Variants in MICU3 observed in about 807,000 individuals in gnomAD.
MICU3 encodes the protein calcium uptake protein 3, mitochondrial.
In MICU3, 62 loss-of-function variants were observed where a neutral mutation model predicts 66.5. That is an observed-to-expected ratio of 0.93 (90% confidence interval 0.76 to 1.15). The LOEUF is 1.15. Among genes scored for constraint, MICU3 ranks in the 50% most tolerant of loss-of-function variants. The probability of loss-of-function intolerance (pLI) is 0.00; values close to 1 mark genes in which losing one functional copy is unlikely to be tolerated. For synonymous variants in MICU3, 308 were observed against 240.7 expected, an observed-to-expected ratio of 1.28 and a Z score of -2.59; for missense variants, 779 against 664.4, an observed-to-expected ratio of 1.17 and a Z score of -1.90.
At chr8:17,123,467 GA>G (rs1026692948), downstream of MICU3, among the ~76,000 whole-genome samples, 1 of 151,908 alleles carries the variant, frequency 6.6e-6, no homozygotes, top group African/African-American at 2.4e-5. Context: ...ACAGTTTTTG[GA>G]AAAATAAATG....
chr8:17,075,151 A>G (rs902566755), intron 3 of MICU3, among the ~76,000 whole-genome samples: 5 of 152,198 alleles, frequency 3.3e-5, no homozygotes, highest in African/African-American at 1.2e-4. Flanking sequence ...AAGGTCCTGA[A>G]CACAGAGCTT....
rs781074790 is a variant in MICU3 at position 17,064,243 on chromosome 8, T to C, written c.535+6T>C. 16 of 1,600,332 alleles carry C rather than the reference T, an allele frequency of 1.0e-5. No individual in the cohort carries two copies. In the South Asian group the frequency reaches 1.6e-4, roughly 16 times the overall value. On this transcript the variant is annotated splice_donor_region_variant and intron_variant, in intron 2 of 14. Coordinates refer to ENST00000318063, the MANE Select transcript of MICU3 (RefSeq NM_181723.3). ...TACAACAGATGAGCCCAAAGGTAAG[T>C]ACACTTTTGAAATTATCTTAATAAT...
At chr8:17,031,672 G>A (rs1386911619) in intron 1 of MICU3, among the ~76,000 whole-genome samples, 1 of 152,082 alleles carries the variant, frequency 6.6e-6, no homozygotes, top group African/African-American at 2.4e-5. Context: ...GATTTATAAA[G>A]TGTCTTTTAA....
intron 1 of MICU3, among the ~76,000 whole-genome samples, chr8:17,043,626 A>C (rs1814585728): frequency 6.6e-6 from 1 of 152,216 alleles, no homozygotes; most frequent in Admixed American, 6.5e-5. Context: ...CTTTCTATCC[A>C]AATAAATGGG....
At chr8:17,111,655 A>C in intron 11 of MICU3, among the ~76,000 whole-genome samples, 1 of 152,156 alleles carries the variant, frequency 6.6e-6, no homozygotes, top group East Asian at 1.9e-4. Context: ...TTTAACTATT[A>C]AATTTAGAAC....
At chr8:17,103,326 A>G (rs1407684915) in intron 9 of MICU3, among the ~76,000 whole-genome samples, 1 of 151,988 alleles carries the variant, frequency 6.6e-6, no homozygotes, top group Non-Finnish European at 1.5e-5. Flanking sequence ...TTGGTCAGCA[A>G]CCACAGAAGA....
chr8:17,074,631 GTGTT>G (rs1346346933), intron 3 of MICU3, among the ~76,000 whole-genome samples: 4 of 137,672 alleles, frequency 2.9e-5, no homozygotes, highest in East Asian at 2.1e-4. Context: ...GTGTGTGTGT[GTGTT>G]TAACTTGCCA....
In MICU3 at chr8:17,104,378, A is replaced by AT. The variant is rs573324672; in HGVS notation, c.985-4dup. 1,131 of 1,301,916 alleles carry AT rather than the reference A, an allele frequency of 8.7e-4. 2 individuals are homozygous for AT. The highest frequency in any genetic ancestry group is 1.0e-3 in the Middle Eastern group (5 of 4,828). The allele number at this position is 1,301,916 out of a possible 1,614,324, so 80.6% of individuals were successfully genotyped here. On this transcript the variant is annotated splice_polypyrimidine_tract_variant and intron_variant, in intron 9 of 14. Coordinates refer to ENST00000318063, the MANE Select transcript of MICU3 (RefSeq NM_181723.3). ...TATTGAAGCTAACTTTTAAATTGTG[A>AT]TTTTTTTTTAAGCGTGCTGATGACA...
Position 17,081,826 on chromosome 8 carries a change from T to C in MICU3, c.694+86T>C, listed in dbSNP as rs776635851. The C allele has an allele frequency of 6.3e-5, 41 of 655,742 alleles. 1 individual carries two copies. The highest frequency in any genetic ancestry group is 9.2e-5 in the Non-Finnish European group (34 of 369,596). The allele number at this position is 655,742 out of a possible 1,614,324, so 40.6% of individuals were successfully genotyped here. On this transcript the variant is annotated intron_variant, in intron 5 of 14. Transcript: ENST00000318063. ...AAGCAGATCTTAGGTTCTCTTACTCTTGAAAATCAATATCCATGCTGTTCT... is the reference window on the plus strand; with the variant it reads ...AAGCAGATCTTAGGTTCTCTTACTCCTGAAAATCAATATCCATGCTGTTCT...
rs1204621364 is a variant in MICU3, at chr8:17,084,143, A to G, written c.695-1093A>G. On this transcript the variant is annotated intron_variant, in intron 5 of 14. Transcript: ENST00000318063. ...AGGGCTGGCAAGAAGTGGGCTACAT[A>G]ATCTTGGTTACCTATCTATAAGTGT... Among the ~76,000 whole-genome samples the G allele has an allele frequency of 1.3e-5, 2 of 152,094 alleles. 1 individual carries two copies.
At chr8:17,084,744 G>A (rs1394709109) in intron 5 of MICU3, among the ~76,000 whole-genome samples, 1 of 152,024 alleles carries the variant, frequency 6.6e-6, no homozygotes, top group Non-Finnish European at 1.5e-5. Context: ...TACATATTCA[G>A]TCTTCTTTTG....
Position 17,030,831 on chromosome 8 carries a change from T to C in MICU3, c.381+3171T>C, listed in dbSNP as rs558486878. ...AGCAAATATTAATACCTTACTTCTATTTGGTCTCTGCAGAACTCAGGTAGT... is the reference window on the plus strand; with the variant it reads ...AGCAAATATTAATACCTTACTTCTACTTGGTCTCTGCAGAACTCAGGTAGT... On this transcript the variant is annotated intron_variant, in intron 1 of 14. Coordinates refer to ENST00000318063, the MANE Select transcript of MICU3 (RefSeq NM_181723.3). 7.0e-4 allele frequency among the ~76,000 whole-genome samples: 106 copies of C among 152,336 alleles called. 1 individual carries two copies. In the East Asian group the frequency reaches 0.02, roughly 28 times the overall value.
rs563438052 is a variant in MICU3, at chr8:17,030,132, TG to T, written c.381+2473del. 3.9e-5 allele frequency among the ~76,000 whole-genome samples: 6 copies of T among 152,370 alleles called. No individual in the cohort carries two copies. In the East Asian group the frequency reaches 1.2e-3, roughly 29 times the overall value. ...ATATGGCTGCTATATTTTCTCTTTTTGCTGTAAGGATATAAATTATAACTTT... is the reference window on the plus strand; with the variant it reads ...ATATGGCTGCTATATTTTCTCTTTTTCTGTAAGGATATAAATTATAACTTT... On this transcript the variant is annotated intron_variant, in intron 1 of 14. Coordinates refer to ENST00000318063, the MANE Select transcript of MICU3 (RefSeq NM_181723.3).
At chr8:17,130,606 C>G in the MICU3 span, among the ~76,000 whole-genome samples, 1 of 151,898 alleles carries the variant, frequency 6.6e-6, no homozygotes, top group Non-Finnish European at 1.5e-5. Context: ...GGTAATATCG[C>G]AAAGGACAGA....
downstream of MICU3, among the ~76,000 whole-genome samples, chr8:17,125,842 C>T (rs868487245): frequency 1.3e-5 from 2 of 151,702 alleles, no homozygotes; most frequent in Non-Finnish European, 2.9e-5. Flanking sequence ...CCAGCCTGAC[C>T]GAGATGGTGA....
chr8:17,093,499 C>T (rs1333205729), intron 8 of MICU3, among the ~76,000 whole-genome samples: 2 of 151,832 alleles, frequency 1.3e-5, no homozygotes, highest in African/African-American at 4.8e-5. Context: ...TATTACCAAG[C>T]ATGTTAGTTA....
At chr8:17,040,818 T>C (rs796887781) in intron 1 of MICU3, among the ~76,000 whole-genome samples, 12 of 152,270 alleles carry the variant, frequency 7.9e-5, no homozygotes, top group African/African-American at 2.2e-4. Context: ...CCAACCTCTG[T>C]CTGAAAATAA....
intron 1 of MICU3, among the ~76,000 whole-genome samples, chr8:17,056,713 A>G (rs963602342): frequency 6.6e-6 from 1 of 152,234 alleles, no homozygotes; most frequent in Non-Finnish European, 1.5e-5. Context: ...TGCTATCACA[A>G]GGGATGTGAT....
intron 14 of MICU3, among the ~76,000 whole-genome samples, chr8:17,119,269 C>T (rs1163060557): frequency 6.6e-6 from 1 of 152,132 alleles, no homozygotes; most frequent in African/African-American, 2.4e-5. Context: ...TCATTTATTA[C>T]TTCCTATTTA....
Sources: allele counts gnomAD v4.1 joint callset (sites outside exome capture counted in the v4.1 genomes callset), GRCh38; gene constraint gnomAD v4.1.1; transcripts MANE v1.5; gene names NCBI Gene and HGNC (gene_info 2026-07-23, HGNC 2026-07-21).